HIVEP3: variants seen among roughly 807,000 people sequenced by gnomAD.
The protein encoded by HIVEP3 is HIVEP zinc finger 3, also known as transcription factor HIVEP3.
A neutral mutation model predicts 152.8 loss-of-function variants in HIVEP3; 49 were observed. The observed-to-expected ratio is 0.32, with a 90% CI of 0.26 to 0.41. HIVEP3 has a LOEUF of 0.41. Among genes scored for constraint, HIVEP3 ranks in the 10% least tolerant of loss-of-function variants. The pLI, the probability that HIVEP3 is intolerant of heterozygous loss-of-function variation, is 1.00. For synonymous variants in HIVEP3, 1,269 were observed against 1,289.0 expected, an observed-to-expected ratio of 0.98 and a Z score of 0.33; for missense variants, 2,790 against 3,103.3, an observed-to-expected ratio of 0.90 and a Z score of 2.40.
At chr1:41,536,949 G>GCT (rs1643416316) in intron 5 of HIVEP3, among the ~76,000 whole-genome samples, 1 of 152,150 alleles carries the variant, frequency 6.6e-6, no homozygotes, top group African/African-American at 2.4e-5. Context: ...GTGCTTAACT[G>GCT]CTGTGCAATT....
intron 5 of HIVEP3, among the ~76,000 whole-genome samples, chr1:41,567,279 C>T (rs1644178525): frequency 6.6e-6 from 1 of 152,222 alleles, no homozygotes. Flanking sequence ...TCTTCACTGC[C>T]ATGTTCCTGG....
At chr1:41,682,105 TTC>T (rs146750157) in intron 2 of HIVEP3, among the ~76,000 whole-genome samples, 1 of 150,734 alleles carries the variant, frequency 6.6e-6, no homozygotes, top group Non-Finnish European at 1.5e-5. Context: ...TGTGGTCTCT[TTC>T]TCTCTCTCTC....
At chr1:41,810,472 C>A (rs868778713) in intron 1 of HIVEP3, among the ~76,000 whole-genome samples, 2 of 152,144 alleles carry the variant, frequency 1.3e-5, no homozygotes, top group Admixed American at 6.5e-5. Context: ...AGGTCCCTTG[C>A]CCCCCATCCA....
chr1:41,775,024 A>G (rs1179089944), intron 1 of HIVEP3, among the ~76,000 whole-genome samples: 1 of 151,958 alleles, frequency 6.6e-6, no homozygotes, highest in Non-Finnish European at 1.5e-5. Flanking sequence ...GCTGGTCTTG[A>G]AATCCTGGGC....
intron 2 of HIVEP3, among the ~76,000 whole-genome samples, chr1:41,640,892 TA>T (rs1645362121): frequency 6.6e-6 from 1 of 152,190 alleles, no homozygotes; most frequent in Admixed American, 6.5e-5. Context: ...GCTCTGGCAT[TA>T]AATAAAACTG....
chr1:41,652,242 C>T (rs1645562152), intron 2 of HIVEP3, among the ~76,000 whole-genome samples: 1 of 152,170 alleles, frequency 6.6e-6, no homozygotes, highest in Non-Finnish European at 1.5e-5. Flanking sequence ...CCCATATGTC[C>T]CTTGCCATCT....
chr1:41,623,041 G>A (rs115740679), intron 3 of HIVEP3, among the ~76,000 whole-genome samples: 3,354 of 152,286 alleles, frequency 0.022, 127 homozygotes, highest in African/African-American at 0.077. Flanking sequence ...GACAGAGCCC[G>A]GATGCAAACC....
chr1:41,551,229 G>A (rs549772961), intron 5 of HIVEP3, among the ~76,000 whole-genome samples: 8 of 152,298 alleles, frequency 5.3e-5, no homozygotes, highest in South Asian at 2.1e-4. Context: ...ATGAAGCCAC[G>A]TTGATCGTGG....
intron 1 of HIVEP3, among the ~76,000 whole-genome samples, chr1:41,778,846 G>A (rs971121029): frequency 6.6e-6 from 1 of 152,166 alleles, no homozygotes; most frequent in Non-Finnish European, 1.5e-5. Context: ...ATGTTACATC[G>A]GGTGGTACGG....
intron 1 of HIVEP3, among the ~76,000 whole-genome samples, chr1:42,008,637 T>C (rs796590045): frequency 5.3e-5 from 8 of 152,350 alleles, no homozygotes; most frequent in African/African-American, 1.9e-4. Context: ...GTTGTTCTTT[T>C]TTTGGAAAGG....
intron 1 of HIVEP3, among the ~76,000 whole-genome samples, chr1:42,030,078 A>G (rs1240740731): frequency 6.6e-6 from 1 of 152,166 alleles, no homozygotes; most frequent in Admixed American, 6.5e-5. Context: ...TTTCTGGGGA[A>G]AAGTCACCCT....
chr1:41,549,067 T>A (rs962206880), intron 5 of HIVEP3, among the ~76,000 whole-genome samples: 3 of 139,664 alleles, frequency 2.1e-5, no homozygotes, highest in Non-Finnish European at 4.7e-5. Flanking sequence ...ATGTTCCCCA[T>A]CCTGTGTCCA....
intron 1 of HIVEP3, among the ~76,000 whole-genome samples, chr1:41,986,662 G>A (rs553213297): frequency 4.6e-5 from 7 of 152,120 alleles, no homozygotes; most frequent in East Asian, 1.9e-4. Flanking sequence ...GGATGGTCTC[G>A]ATCTCCTGAC....
At chr1:41,810,614 ACTAGTGCATGCCT>A (rs1489185632) in intron 1 of HIVEP3, among the ~76,000 whole-genome samples, 4 of 152,194 alleles carry the variant, frequency 2.6e-5, no homozygotes, top group Admixed American at 2.6e-4. Context: ...CTCATGCTGA[ACTAGTGCATGCCT>A]CAGCCCTTTG....
At chr1:41,998,181 A>C (rs905340877) in intron 1 of HIVEP3, among the ~76,000 whole-genome samples, 2 of 152,208 alleles carry the variant, frequency 1.3e-5, no homozygotes, top group African/African-American at 4.8e-5. Context: ...ATTAATTTTT[A>C]AAAGGAAAGC....
chr1:41,583,168 G>A lies in HIVEP3; in HGVS notation c.1630C>T (p.Pro544Ser). 2 of 1,611,242 alleles carry A rather than the reference G, an allele frequency of 1.2e-6. No individual in the cohort carries two copies. The highest frequency in any genetic ancestry group is 1.7e-6 in the Non-Finnish European group (2 of 1,178,922). The change falls in exon 4 of 9, where the codon CCT becomes TCT. Residue 544 changes from proline to serine, a missense_variant. Physicochemically the swap from Pro to Ser is moderately conservative, Grantham distance 74 (BLOSUM62 -1). This residue lies in a region of HIVEP3 where 339 missense variants were observed against 327.0 expected (regional missense o/e 1.04). Transcript: ENST00000372583. The surrounding 1 kb of genome is among the most constrained non-coding windows in gnomAD (Gnocchi z 6.9). ...PVPLLRSHSMPSAACTISTPH... is the reference protein window; with the variant it reads ...PVPLLRSHSMSSAACTISTPH... ...GTGCTGATAGTGCAGGCGGCAGAAG[G>A]CATTGAGTGGCTTCTCAGGAGAGGC...
rs16828684 is a variant in HIVEP3, at chr1:41,781,512, C to T, written c.-800-80517G>A. 7.2e-3 allele frequency among the ~76,000 whole-genome samples: 1,103 copies of T among 152,292 alleles called. 16 individuals are homozygous for T. Among genetic ancestry groups the T allele is most frequent in the African/African-American group, 0.025 (1,046 of 41,560 alleles). ...TTCTAGCCAACTGCCATAGTTCAGA[C>T]GCTCTTTCTCACTAGACTGAGGCAA... On this transcript the variant is annotated intron_variant, in intron 1 of 8. Coordinates refer to ENST00000372583, the MANE Select transcript of HIVEP3 (RefSeq NM_024503.5).
intron 5 of HIVEP3, among the ~76,000 whole-genome samples, chr1:41,532,156 G>T (rs1643279119): frequency 9.9e-6 from 1 of 100,610 alleles, no homozygotes; most frequent in Non-Finnish European, 2.2e-5. Context: ...TGGAAGACAT[G>T]AGAGATAGAG....
chr1:41,787,177 A>T (rs1649398685), intron 1 of HIVEP3, among the ~76,000 whole-genome samples: 1 of 152,228 alleles, frequency 6.6e-6, no homozygotes, highest in Non-Finnish European at 1.5e-5. Context: ...ACCATAAAAA[A>T]CTATGAATGA....
Sources: allele counts gnomAD v4.1 joint callset (sites outside exome capture counted in the v4.1 genomes callset), GRCh38; gene constraint gnomAD v4.1.1; regional missense constraint gnomAD v4.1.1; non-coding constraint Gnocchi (gnomAD v3.1); transcripts MANE v1.5; gene names NCBI Gene and HGNC (gene_info 2026-07-23, HGNC 2026-07-21).